The following SORCS2 variants were observed in gnomAD, a reference collection of about 807,000 sequenced individuals.
The protein encoded by SORCS2 is sortilin related VPS10 domain containing receptor 2.
SORCS2 carries 100 observed loss-of-function variants against 141.6 expected under a neutral mutation model. The observed-to-expected ratio is 0.71, with a 90% CI of 0.60 to 0.83. SORCS2 has a LOEUF of 0.83. Ranked by LOEUF, SORCS2 falls within the 40% of genes least tolerant of loss-of-function variation. The pLI is 0.00. For synonymous variants in SORCS2, 789 were observed against 676.9 expected (o/e 1.17, Z -2.57); for missense variants, 1,646 against 1,560.2 (o/e 1.05, Z -0.93).
chr4:7,734,392 C>T lies in SORCS2; in HGVS notation c.3311+18C>T. ...TTCAAAAGGCAAGGCCCTTGGCTGC[C>T]CTCCTCTGCGGGGCTCTGACCATGG... On this transcript the variant is annotated intron_variant, in intron 25 of 26. Transcript: ENST00000507866. 1 of 1,493,100 alleles carries T rather than the reference C, an allele frequency of 6.7e-7. No individual in the cohort carries two copies. Among genetic ancestry groups the T allele is most frequent in the Non-Finnish European group, 9.0e-7 (1 of 1,110,586 alleles). 92.5% of individuals were successfully genotyped at this position (1,493,100 alleles called of 1,614,324 possible).
At chr4:7,228,123 G>C (rs577644892) in intron 1 of SORCS2, among the ~76,000 whole-genome samples, 1 of 152,318 alleles carries the variant, frequency 6.6e-6, no homozygotes, top group East Asian at 1.9e-4. Flanking sequence ...TGGAAGCTAA[G>C]ACAAGATGTA....
At chr4:7,381,063 T>C (rs10937808) in intron 1 of SORCS2, among the ~76,000 whole-genome samples, 88,477 of 144,182 alleles carry the variant, frequency 0.61, 27,423 homozygotes, top group East Asian at 0.9. Flanking sequence ...GCCTGGGTGA[T>C]AGAGCAAGAC....
intron 1 of SORCS2, among the ~76,000 whole-genome samples, chr4:7,311,679 C>G (rs965009455): frequency 6.6e-6 from 1 of 152,158 alleles, no homozygotes; most frequent in African/African-American, 2.4e-5. Flanking sequence ...GCTTATTTCC[C>G]ATCCATGTAT....
rs200948890 is a variant in SORCS2, at chr4:7,434,399, C to A, written c.548+38044C>A. On this transcript the variant is annotated intron_variant, in intron 2 of 26. Coordinates refer to ENST00000507866, the MANE Select transcript of SORCS2 (RefSeq NM_020777.3). The stretch of plus-strand genomic sequence containing the variant: ...CCATTGGCCATGAACGGAGCCACAG[C>A]CTCAAAGGTGTCCTCTTTGGAGAGT... 17 of 1,607,712 alleles carry A rather than the reference C, an allele frequency of 1.1e-5. No homozygotes were observed. In the East Asian group the frequency reaches 2.9e-4, roughly 28 times the overall value.
chr4:7,721,857 A>G (rs992396624), intron 18 of SORCS2, among the ~76,000 whole-genome samples: 1 of 152,196 alleles, frequency 6.6e-6, no homozygotes, highest in Non-Finnish European at 1.5e-5. Flanking sequence ...CCGTACAACT[A>G]CATAGGAGCC....
intron 1 of SORCS2, among the ~76,000 whole-genome samples, chr4:7,269,123 G>A (rs1306034612): frequency 6.6e-6 from 1 of 152,198 alleles, no homozygotes; most frequent in Non-Finnish European, 1.5e-5. Flanking sequence ...ACCTCTGCCA[G>A]GCCCTGTGCT....
chr4:7,431,833 C>A (rs10011121), intron 2 of SORCS2: 22,727 of 152,198 alleles, frequency 0.15, 1,754 homozygotes, highest in Non-Finnish European at 0.18. Context: ...TACTTAAGAG[C>A]TCGGGTGTGG....
chr4:7,439,694 T>G (rs570459293), intron 2 of SORCS2, among the ~76,000 whole-genome samples: 4 of 152,332 alleles, frequency 2.6e-5, no homozygotes, highest in African/African-American at 9.6e-5. Context: ...CTTGATGTTA[T>G]GAGATCCAGG....
intron 8 of SORCS2, among the ~76,000 whole-genome samples, chr4:7,674,018 G>T (rs1041831549): frequency 1.3e-5 from 2 of 152,230 alleles, no homozygotes; most frequent in African/African-American, 4.8e-5. Context: ...CAGGGAGGAA[G>T]GGGGAGCTGA....
intron 2 of SORCS2, among the ~76,000 whole-genome samples, chr4:7,423,512 C>T (rs1207594742): frequency 6.6e-6 from 1 of 152,138 alleles, no homozygotes; most frequent in Non-Finnish European, 1.5e-5. Context: ...ACTCCTGGCC[C>T]CAAGCAGTGC....
chr4:7,642,279 G>A (rs567650434), intron 4 of SORCS2, among the ~76,000 whole-genome samples: 3 of 152,196 alleles, frequency 2.0e-5, no homozygotes, highest in African/African-American at 7.2e-5. Context: ...TTGTGCTTCT[G>A]GGTATTAATA....
At chr4:7,624,192 G>T (rs1719381234) in intron 3 of SORCS2, among the ~76,000 whole-genome samples, 1 of 136,750 alleles carries the variant, frequency 7.3e-6, no homozygotes, top group African/African-American at 2.5e-5. Flanking sequence ...GATTCAAGCT[G>T]CTATCACTGC....
At chr4:7,414,621 G>T (rs944330611) in intron 2 of SORCS2, among the ~76,000 whole-genome samples, 8 of 152,168 alleles carry the variant, frequency 5.3e-5, no homozygotes, top group Non-Finnish European at 1.0e-4. Context: ...GGACTCAAAT[G>T]TAATAATTCT....
chr4:7,373,786 C>T (rs1030881048), intron 1 of SORCS2, among the ~76,000 whole-genome samples: 4 of 151,996 alleles, frequency 2.6e-5, no homozygotes, highest in Admixed American at 2.0e-4. Flanking sequence ...GCCACCACAC[C>T]TGGCCCCTTT....
chr4:7,328,324 C>T (rs1719418601), intron 1 of SORCS2, among the ~76,000 whole-genome samples: 1 of 151,716 alleles, frequency 6.6e-6, no homozygotes, highest in Non-Finnish European at 1.5e-5. Context: ...GCATGAGCCA[C>T]CGCACCCGGC....
At chr4:7,655,202 T>TACAC (rs144046004) in intron 5 of SORCS2, among the ~76,000 whole-genome samples, 116 of 148,984 alleles carry the variant, frequency 7.8e-4, no homozygotes, top group Middle Eastern at 3.5e-3. Flanking sequence ...CTTGTGCGTG[T>TACAC]ACACACACAC....
chr4:7,266,060 C>G (rs1278509570), intron 1 of SORCS2, among the ~76,000 whole-genome samples: 6 of 152,324 alleles, frequency 3.9e-5, no homozygotes, highest in Admixed American at 3.9e-4. Context: ...AAGACTCAGA[C>G]CTGACCCTAA....
intron 1 of SORCS2, among the ~76,000 whole-genome samples, chr4:7,391,324 G>A (rs1256457542): frequency 6.6e-6 from 1 of 152,210 alleles, no homozygotes; most frequent in East Asian, 1.9e-4. Flanking sequence ...AGAAAGTCCT[G>A]TTAATGCCGT....
intron 14 of SORCS2, among the ~76,000 whole-genome samples, chr4:7,712,018 A>G (rs1725853047): frequency 6.6e-6 from 1 of 152,156 alleles, no homozygotes; most frequent in African/African-American, 2.4e-5. Flanking sequence ...CATGGAGTCC[A>G]GTGTGCTTGG....
Sources: gnomAD v4.1 joint callset for allele counts (sites outside exome capture counted in the v4.1 genomes callset) on GRCh38, gnomAD v4.1.1 for gene constraint, MANE v1.5 for transcripts, NCBI Gene and HGNC (gene_info 2026-07-23, HGNC 2026-07-21) for gene names.